The following ERICH1 variants were observed in gnomAD, a reference collection of about 807,000 sequenced individuals.
The protein encoded by ERICH1 is glutamate rich 1, also known as glutamate-rich protein 1.
In ERICH1, 56 loss-of-function variants were observed where a neutral mutation model predicts 39.6. That is an observed-to-expected ratio of 1.41 (90% CI 1.14 to 1.77). The LOEUF (loss-of-function observed/expected upper bound fraction) is 1.77. Ranked by LOEUF, ERICH1 falls within the 40% of genes most tolerant of loss-of-function variation. The pLI, the probability that ERICH1 is intolerant of heterozygous loss-of-function variation, is 0.00. For missense variants in ERICH1, 826 were observed against 575.4 expected, an observed-to-expected ratio of 1.44 and a Z score of -4.45; for synonymous variants, 313 against 223.6, an observed-to-expected ratio of 1.40 and a Z score of -3.57.
At chr8:716,461 G>A (rs570001337) in intron 1 of ERICH1, among the ~76,000 whole-genome samples, 1 of 152,368 alleles carries the variant, frequency 6.6e-6, no homozygotes, top group East Asian at 1.9e-4. Context: ...CCCTGAGGCA[G>A]GGCAGGCACC....
At chr8:690,572 G>A (rs754210552) in intron 3 of ERICH1, among the ~76,000 whole-genome samples, 1 of 152,248 alleles carries the variant, frequency 6.6e-6, no homozygotes, top group Non-Finnish European at 1.5e-5. Flanking sequence ...AGTCTCAGAG[G>A]CCGGGCAGCC....
intron 3 of ERICH1, among the ~76,000 whole-genome samples, chr8:677,892 G>A (rs1028280379): frequency 1.3e-5 from 2 of 152,112 alleles, no homozygotes; most frequent in South Asian, 4.1e-4. Context: ...CTCCCGGCAC[G>A]TCCTTCTCTG....
chr8:698,546 T>C (rs887548855), intron 2 of ERICH1, among the ~76,000 whole-genome samples: 1 of 152,118 alleles, frequency 6.6e-6, no homozygotes, highest in Non-Finnish European at 1.5e-5. Flanking sequence ...CAGCAATTTA[T>C]GAGTATTCAT....
In ERICH1 at chr8:731,146, T is replaced by C. The variant is rs369437723; in HGVS notation, c.16A>G (p.Lys6Glu). The C allele has an allele frequency of 6.6e-7, 1 of 1,520,702 alleles. No homozygotes were observed. The highest frequency in any genetic ancestry group is 8.8e-7 in the Non-Finnish European group (1 of 1,136,792). The allele number at this position is 1,520,702 out of a possible 1,614,324, so 94.2% of individuals were successfully genotyped here. A position where few individuals can be genotyped will look rare whatever the true frequency, so the allele number is the denominator to read the frequency against. ...CCGCACCGCACCCACCTACCGTGCT[T>C]CCTGTGCGCCGCCATGCGGGACCCT... MAAHR[K>E]HVFVEKVLQR... is the part of the protein sequence containing the mutation. Residue 6 changes from lysine (K) to glutamate (E), a missense_variant, in exon 1 of 6, where the codon AAG becomes GAG. Lys to Glu is a moderately conservative substitution (Grantham distance 56). Transcript: ENST00000262109.
chr8:662,913 CCT>C (rs1288267297), downstream of ERICH1, among the ~76,000 whole-genome samples: 1 of 152,082 alleles, frequency 6.6e-6, no homozygotes, highest in Non-Finnish European at 1.5e-5. Flanking sequence ...CCACAGCTCC[CCT>C]GATGCCAAAA....
At chr8:677,888 G>T (rs1805218891) in intron 3 of ERICH1, among the ~76,000 whole-genome samples, 1 of 152,068 alleles carries the variant, frequency 6.6e-6, no homozygotes, top group Non-Finnish European at 1.5e-5. Context: ...GCTCCTCCCG[G>T]CACGTCCTTC....
chr8:626,544 G>A lies in ERICH1; in HGVS notation c.977-11260C>T, dbSNP rs181722517. On this transcript the variant is annotated intron_variant, in intron 3 of 3. Coordinates refer to the ERICH1 transcript ENST00000522706. ...AGGTGAGCACCAGACAGAGCTCCCC[G>A]GGACAAAAACTGAACACAGTTCAGA... 1,094 of 154,666 alleles carry A rather than the reference G, an allele frequency of 7.1e-3. 50 individuals are homozygous for A. Among genetic ancestry groups the A allele is most frequent in the Admixed American group, 0.064 (1,030 of 15,998 alleles). 9.6% of individuals were successfully genotyped at this position (154,666 alleles called of 1,614,324 possible). A position where few individuals can be genotyped will look rare whatever the true frequency, so the allele number is the denominator to read the frequency against.
At chr8:695,556 C>T (rs1809995580) in intron 2 of ERICH1, among the ~76,000 whole-genome samples, 1 of 123,722 alleles carries the variant, frequency 8.1e-6, no homozygotes, top group East Asian at 2.5e-4. Context: ...CACTCCTCTC[C>T]TTCCTCCCCA....
chr8:646,753 G>A (rs58792201), intron 3 of ERICH1, among the ~76,000 whole-genome samples: 44,635 of 67,286 alleles, frequency 0.66, 20,960 homozygotes, highest in East Asian at 0.81. Flanking sequence ...TGAAGAAGAC[G>A]GCAAAGGAGG....
Position 692,493 on chromosome 8 carries a change from C to G in ERICH1, c.289G>C (p.Gly97Arg). ...AGCATTTTACCTTCTGTGTCATCCC[C>G]GCTGGAGGCGTTCTCGGGGCTCCCA... The part of the protein sequence containing the change: ...SCGSPENASS[G>R]DDTEDQDPHD... Residue 97 changes from glycine to arginine, a missense_variant, in exon 3 of 6, where the codon GGG becomes CGG. Gly to Arg is a moderately radical substitution (Grantham distance 125, BLOSUM62 -2). Transcript: ENST00000262109. 6.2e-7 allele frequency: 1 copy of G among 1,614,100 alleles called. No homozygotes were observed. The highest frequency in any genetic ancestry group is 8.5e-7 in the Non-Finnish European group (1 of 1,179,992).
intron 2 of ERICH1, among the ~76,000 whole-genome samples, chr8:712,000 A>C (rs994686199): frequency 6.6e-6 from 1 of 152,254 alleles, no homozygotes; most frequent in African/African-American, 2.4e-5. Flanking sequence ...CCATTAATCT[A>C]TGTGTCTACT....
chr8:730,118 C>T (rs557243680), intron 1 of ERICH1, among the ~76,000 whole-genome samples: 1 of 152,298 alleles, frequency 6.6e-6, no homozygotes, highest in African/African-American at 2.4e-5. Context: ...TGCTCATTAA[C>T]ATACGTGAAT....
intron 3 of ERICH1, among the ~76,000 whole-genome samples, chr8:674,967 G>T (rs907451329): frequency 6.6e-6 from 1 of 152,236 alleles, no homozygotes; most frequent in Non-Finnish European, 1.5e-5. Flanking sequence ...AACTACCACT[G>T]TGGTGTTGCG....
intron 3 of ERICH1, among the ~76,000 whole-genome samples, chr8:635,294 T>G: frequency 6.6e-6 from 1 of 152,172 alleles, no homozygotes. Context: ...AACAGGCGTC[T>G]AAGTCTGTGA....
intron 4 of ERICH1, chr8:672,184 T>C (rs1185248515): frequency 2.0e-5 from 3 of 152,472 alleles, no homozygotes; most frequent in African/African-American, 4.8e-5. Context: ...ACTCCTGGCA[T>C]GACTGTTGGT....
chr8:697,418 G>C (rs1370529253), intron 2 of ERICH1, among the ~76,000 whole-genome samples: 2 of 152,166 alleles, frequency 1.3e-5, no homozygotes, highest in Non-Finnish European at 2.9e-5. Context: ...GGCCCACGAT[G>C]CAACTCCGTC....
Position 668,749 on chromosome 8 carries a change from A to G in ERICH1, c.1107T>C (p.Ala369=). 1.2e-6 allele frequency: 2 copies of G among 1,613,110 alleles called. No homozygotes were observed. Among genetic ancestry groups the G allele is most frequent in the African/African-American group, 1.3e-5 (1 of 75,060 alleles). ...DAASAALADA[A]EELLDRLASH... ...ACGCAAGGCGGTCCAGCAGCTCCTC[A>G]GCGGCATCTGCGAGGGCAGCTGAAG... The change falls in exon 5 of 6, where the codon GCT becomes GCC. Residue 369 remains alanine (A), a synonymous_variant. Coordinates refer to ENST00000262109, the MANE Select transcript of ERICH1 (RefSeq NM_207332.3).
intron 2 of ERICH1, among the ~76,000 whole-genome samples, chr8:708,009 A>G (rs1311774467): frequency 1.3e-5 from 2 of 152,248 alleles, no homozygotes; most frequent in Non-Finnish European, 2.9e-5. Context: ...TCTAAAGAAG[A>G]TACACAAATG....
chr8:650,496 C>T (rs4735894), intron 3 of ERICH1, among the ~76,000 whole-genome samples: 27,308 of 152,174 alleles, frequency 0.18, 2,948 homozygotes, highest in Middle Eastern at 0.33. Flanking sequence ...AACGTGAGGA[C>T]GAAATGGGCT....
Sources: gnomAD v4.1 joint callset for allele counts (sites outside exome capture counted in the v4.1 genomes callset) on GRCh38, gnomAD v4.1.1 for gene constraint, MANE v1.5 for transcripts, NCBI Gene and HGNC (gene_info 2026-07-23, HGNC 2026-07-21) for gene names.